The following BAIAP2 variants were observed in gnomAD, a reference collection of about 807,000 sequenced individuals.
The protein encoded by BAIAP2 is BAR/IMD domain containing adaptor protein 2.
BAIAP2 carries 18 observed loss-of-function variants against 63.0 expected under a neutral mutation model. That is an observed-to-expected ratio of 0.29 (90% confidence interval 0.20 to 0.42). The LOEUF is 0.42. Ranked by LOEUF, BAIAP2 falls within the 10% of genes least tolerant of loss-of-function variation. BAIAP2 has a pLI of 1.00. For missense variants in BAIAP2, 610 were observed against 734.3 expected (o/e 0.83, Z 1.96); for synonymous variants, 386 against 307.6 (o/e 1.25, Z -2.67).
At chr17:81,043,270 T>G (rs1044647378) in intron 1 of BAIAP2, among the ~76,000 whole-genome samples, 1 of 152,220 alleles carries the variant, frequency 6.6e-6, no homozygotes, top group Non-Finnish European at 1.5e-5. Flanking sequence ...AGCCCCCTCT[T>G]CCGTGGCCGA....
chr17:81,091,846 C>T (rs116240655), intron 6 of BAIAP2, among the ~76,000 whole-genome samples: 251 of 152,364 alleles, frequency 1.6e-3, no homozygotes, highest in African/African-American at 5.8e-3. Flanking sequence ...CCCTTTAGTG[C>T]CTCTGGGGTC....
intron 1 of BAIAP2, among the ~76,000 whole-genome samples, chr17:81,052,387 C>G (rs2048812937): frequency 6.6e-6 from 1 of 152,264 alleles, no homozygotes; most frequent in Non-Finnish European, 1.5e-5. Flanking sequence ...CACGTGGCCT[C>G]TGGGCTAGCA....
intron 6 of BAIAP2, among the ~76,000 whole-genome samples, chr17:81,096,405 C>A (rs989828381): frequency 6.6e-6 from 1 of 152,188 alleles, no homozygotes; most frequent in African/African-American, 2.4e-5. Flanking sequence ...TTCTGGGCAC[C>A]GAATAGCTCC....
Position 81,109,765 on chromosome 17 carries a change from C to G in BAIAP2, c.1535+1256C>G, listed in dbSNP as rs529951541. ...GGAGCAAGGTCGGGGGCAGGCGCTG[C>G]CCAGCTGGCCGCACACGGACATTCC... On this transcript the variant is annotated intron_variant, in intron 13 of 13. Coordinates refer to ENST00000428708, the MANE Select transcript of BAIAP2 (RefSeq NM_001144888.2). 1.2e-4 allele frequency: 120 copies of G among 985,482 alleles called. No homozygotes were observed. In the Middle Eastern group the frequency reaches 3.1e-3, roughly 26 times the overall value. The allele number at this position is 985,482 out of a possible 1,614,324, so 61.0% of individuals were successfully genotyped here.
intron 3 of BAIAP2, among the ~76,000 whole-genome samples, chr17:81,060,001 A>G (rs537008506): frequency 1.3e-5 from 2 of 152,306 alleles, no homozygotes; most frequent in South Asian, 2.1e-4. Flanking sequence ...AAGCTTCAGA[A>G]GAGAGGGAGA....
intron 13 of BAIAP2, chr17:81,109,060 C>A: frequency 6.6e-7 from 1 of 1,514,194 alleles, no homozygotes; most frequent in South Asian, 1.2e-5. Flanking sequence ...CTGGTCTCGT[C>A]CGTTTTCCTC....
At chr17:81,068,900 C>T (rs530909093) in intron 3 of BAIAP2, among the ~76,000 whole-genome samples, 1 of 152,292 alleles carries the variant, frequency 6.6e-6, no homozygotes, top group African/African-American at 2.4e-5. Flanking sequence ...TTGTCCCAGA[C>T]ATGCTCCTGT....
At chr17:81,070,568 G>A (rs1194584937) in intron 3 of BAIAP2, among the ~76,000 whole-genome samples, 2 of 152,322 alleles carry the variant, frequency 1.3e-5, no homozygotes, top group South Asian at 2.1e-4. Context: ...CCTAGTGGAC[G>A]CGGGGGCAGG....
At chr17:81,091,649 C>T (rs370522799) in intron 6 of BAIAP2, among the ~76,000 whole-genome samples, 1 of 152,228 alleles carries the variant, frequency 6.6e-6, no homozygotes, top group African/African-American at 2.4e-5. Flanking sequence ...GAGTCTGGCC[C>T]ATTCGGGCTC....
At chr17:81,104,953 T>A (rs1380381281) in intron 10 of BAIAP2, 3 of 413,066 alleles carry the variant, frequency 7.3e-6, no homozygotes, top group Admixed American at 4.1e-5. Context: ...GGTCTTCCCC[T>A]ACAGGAGGGA....
At chr17:81,110,248 GGACCGCGT>G (rs1568195797) in intron 13 of BAIAP2, 17 of 881,416 alleles carry the variant, frequency 1.9e-5, no homozygotes, top group Non-Finnish European at 2.0e-5. Context: ...CTCAAGACGC[GGACCGCGT>G]GACATTAAGG....
chr17:81,077,036 C>T (rs1408763503), intron 3 of BAIAP2, among the ~76,000 whole-genome samples: 1 of 152,044 alleles, frequency 6.6e-6, no homozygotes. Context: ...ACATTGTGCC[C>T]AGGGAGAAAA....
Position 81,038,499 on chromosome 17 carries a change from C to T in BAIAP2, c.54+3191C>T, listed in dbSNP as rs78230128. Among the ~76,000 whole-genome samples, 571 of 152,316 alleles carry T rather than the reference C, an allele frequency of 3.7e-3. 7 individuals carry two copies. Among genetic ancestry groups the T allele is most frequent in the African/African-American group, 0.012 (517 of 41,564 alleles). On this transcript the variant is annotated intron_variant, in intron 1 of 13. Transcript: ENST00000428708. ...GAGGAGGAGGAGTCCCTGTTGCAGA[C>T]GTGGCCATGGCCTTCCTTGTGCCGA...
chr17:81,044,202 C>A (rs186552327), intron 1 of BAIAP2, among the ~76,000 whole-genome samples: 1 of 152,248 alleles, frequency 6.6e-6, no homozygotes, highest in African/African-American at 2.4e-5. Context: ...CACGGTTGCT[C>A]CTCCAGCCGT....
In BAIAP2 at chr17:81,057,972, G is replaced by GTGGGGGCCC; in HGVS notation, c.217+5_217+6insTGGGGGCCC. 2.2e-6 allele frequency: 2 copies of GTGGGGGCCC among 911,328 alleles called. No homozygotes were observed. Among genetic ancestry groups the GTGGGGGCCC allele is most frequent in the Non-Finnish European group, 3.0e-6 (2 of 674,554 alleles). 56.5% of individuals were successfully genotyped at this position (911,328 alleles called of 1,614,324 possible). On this transcript the variant is annotated splice_donor_region_variant and intron_variant, in intron 3 of 13. Coordinates refer to ENST00000428708, the MANE Select transcript of BAIAP2 (RefSeq NM_001144888.2). ...GCCAGGGCTCCAAAGAACTCGGTGA[G>GTGGGGGCCC]ACCCCCCCCCCCCCCCCGCCTGGTA...
rs1373645333 is a variant in BAIAP2 at position 81,115,827 on chromosome 17, C to T, written c.1593C>T (p.Pro531=). The change falls in exon 14 of 14, where the codon CCC becomes CCT. Residue 531 remains proline (P), a synonymous_variant. Transcript: ENST00000428708. ...CAGTGACCAACGACAGGTCTGCCCCCCTCCTCAGCTGATGGCCACATCTGC... is the reference window on the plus strand; with the variant it reads ...CAGTGACCAACGACAGGTCTGCCCCTCTCCTCAGCTGATGGCCACATCTGC... ...KPTVTNDRSA[P]LLS The T allele has an allele frequency of 6.2e-7, 1 of 1,613,490 alleles. No individual in the cohort carries two copies. Among genetic ancestry groups the T allele is most frequent in the East Asian group, 2.2e-5 (1 of 44,884 alleles).
intron 3 of BAIAP2, among the ~76,000 whole-genome samples, chr17:81,059,354 T>G (rs140409065): frequency 1.1e-3 from 162 of 152,332 alleles, no homozygotes; most frequent in African/African-American, 3.8e-3. Flanking sequence ...GAGACTCCAG[T>G]GCAACCAACA....
chr17:81,035,624 C>T lies in BAIAP2; in HGVS notation c.54+316C>T, dbSNP rs573563690. Among the ~76,000 whole-genome samples, 30 of 151,104 alleles carry T rather than the reference C, an allele frequency of 2.0e-4. No homozygotes were observed. In the South Asian group the frequency reaches 5.4e-3, roughly 27 times the overall value. On this transcript the variant is annotated intron_variant, in intron 1 of 13. Coordinates refer to ENST00000428708, the MANE Select transcript of BAIAP2 (RefSeq NM_001144888.2). ...CCCTGCTCGGCCCCCGCGCGCTCGC[C>T]TTGGCGTCGGCGGGAACGGAGCCGC...
chr17:81,066,661 A>G (rs1259411388), intron 3 of BAIAP2, among the ~76,000 whole-genome samples: 3 of 152,196 alleles, frequency 2.0e-5, no homozygotes, highest in East Asian at 3.9e-4. Context: ...GTGAACCCCA[A>G]GGGGACTTCG....
Sources: allele counts gnomAD v4.1 joint callset (sites outside exome capture counted in the v4.1 genomes callset), GRCh38; gene constraint gnomAD v4.1.1; transcripts MANE v1.5; gene names NCBI Gene and HGNC (gene_info 2026-07-23, HGNC 2026-07-21).